Variants in CLSPN observed in about 807,000 individuals in gnomAD.
The protein encoded by CLSPN is claspin homolog.
CLSPN carries 85 observed loss-of-function variants against 156.3 expected under a neutral mutation model. The ratio of observed to expected loss-of-function variants is 0.54; its 90% CI spans 0.46 to 0.65. The LOEUF (loss-of-function observed/expected upper bound fraction) is 0.65, where lower values mean the gene tolerates loss of function less well. Ranked by LOEUF, CLSPN falls within the 30% of genes least tolerant of loss-of-function variation. The probability of loss-of-function intolerance (pLI) is 0.00; values close to 1 mark genes in which losing one functional copy is unlikely to be tolerated. For missense variants in CLSPN, 1,407 were observed against 1,554.9 expected, an observed-to-expected ratio of 0.90 and a Z score of 1.60; for synonymous variants, 534 against 542.4, an observed-to-expected ratio of 0.98 and a Z score of 0.22.
At chr1:35,738,142 A>G in intron 21 of CLSPN, 45 bp from the exon 22 acceptor site, 1 of 721,514 alleles carries the variant, frequency 1.4e-6, no homozygotes, top group Non-Finnish European at 2.0e-6. Context: ...ATATATATAC[A>G]GCATTAAAAG....
chr1:35,741,670 A>AT (rs1001946403), intron 18 of CLSPN, among the ~76,000 whole-genome samples: 3 of 152,066 alleles, frequency 2.0e-5, no homozygotes, highest in African/African-American at 7.2e-5. Context: ...CCAGAACAGC[A>AT]TATCAAAAAA....
At position 35,748,502 on chromosome 1, in the gene CLSPN, T is replaced by C. The variant is rs746580891; in HGVS notation, c.2375A>G (p.Gln792Arg). ...GAAAAAACTGGTCCCACGGCCTGTT[T>C]GTCTGTTGCAAGGCTGATAGGATGG... ...TIPSYQPCNR[Q>R]TGRGTSFFPT... is the part of the protein sequence containing the mutation. The change falls in exon 13 of 25, where the codon CAA becomes CGA. Residue 792 changes from glutamine to arginine, a missense_variant. This residue lies in a region of CLSPN where 1,096 missense variants were observed against 1,193.0 expected (regional missense o/e 0.92). Transcript: ENST00000318121. The C allele has an allele frequency of 5.0e-6, 8 of 1,614,066 alleles. No homozygotes were observed. The East Asian group carries it at 1.8e-4, about 36-fold the overall frequency.
chr1:35,742,846 A>G (rs1270977378), intron 18 of CLSPN, among the ~76,000 whole-genome samples: 1 of 150,916 alleles, frequency 6.6e-6, no homozygotes, highest in African/African-American at 2.4e-5. Flanking sequence ...TCCTGGGTGC[A>G]AGCGATTCTC....
chr1:35,726,685 C>T (rs1641199538), intron 24 of CLSPN, among the ~76,000 whole-genome samples: 1 of 152,114 alleles, frequency 6.6e-6, no homozygotes, highest in South Asian at 2.1e-4. Flanking sequence ...CCTACTGGCC[C>T]CAAGCTTGTA....
rs566042213 is a variant in CLSPN, at chr1:35,753,933, A to G, written c.1583T>C (p.Leu528Pro). 2 of 1,614,104 alleles carry G rather than the reference A, an allele frequency of 1.2e-6. No individual in the cohort carries two copies. The highest frequency in any genetic ancestry group is 3.3e-5 in the Admixed American group (2 of 60,010). ...CCAGAAACGCTGCTTCAAGGCTTCC[A>G]GTTCTAAACCCAAACGCCAACCAGT... ...VILEPETNRE[L>P]EALKQRFWKH... Residue 528 changes from leucine to proline, a missense_variant, in exon 9 of 25, where the codon CTG (leucine) becomes CCG (proline). Around this residue, in one of 3 missense-constraint regions of CLSPN, gnomAD observed 1,096 missense variants for 1,193.0 expected, o/e 0.92. Transcript: ENST00000318121.
At position 35,769,884 on chromosome 1, in the gene CLSPN, C is replaced by T; in HGVS notation, c.-14G>A. On this transcript the variant is annotated 5_prime_UTR_variant, in exon 1 of 25. Coordinates refer to ENST00000318121, the MANE Select transcript of CLSPN (RefSeq NM_022111.4). ...CTCGCCTGTCATGACTTCTGCCTCC[C>T]CTGCGCTCCACTAGGGACGGAGCTG... 1 of 1,609,702 alleles carries T rather than the reference C, an allele frequency of 6.2e-7. No individual in the cohort carries two copies. Among genetic ancestry groups the T allele is most frequent in the South Asian group, 1.1e-5 (1 of 90,434 alleles).
intron 24 of CLSPN, chr1:35,721,097 T>G: frequency 1.5e-6 from 1 of 665,380 alleles, no homozygotes; most frequent in Non-Finnish European, 2.5e-6. Context: ...TGCCTTATTT[T>G]GCCAAGCCTA....
intron 24 of CLSPN, among the ~76,000 whole-genome samples, chr1:35,726,441 A>G (rs930883095): frequency 6.6e-6 from 1 of 151,626 alleles, no homozygotes; most frequent in African/African-American, 2.4e-5. Context: ...CAGGTAAGCA[A>G]AGATGCTAAA....
Position 35,739,156 on chromosome 1 carries a change from T to A in CLSPN, c.3410A>T (p.Lys1137Met). The change falls in exon 20 of 25, where the codon AAG becomes ATG. Residue 1137 changes from lysine to methionine, a missense_variant. Physicochemically the swap from Lys to Met is moderately conservative, Grantham distance 95 (BLOSUM62 -1). Coordinates refer to ENST00000318121, the MANE Select transcript of CLSPN (RefSeq NM_022111.4). ...LHSDGPGRMR[K>M]FRWKNIDDAS... ...GATACCTATGTTTTTCCATCGAAAC[T>A]TCCTCATTCGCCCAGGACCATCGCT... 6.2e-7 allele frequency: 1 copy of A among 1,614,180 alleles called. No homozygotes were observed. Among genetic ancestry groups the A allele is most frequent in the Non-Finnish European group, 8.5e-7 (1 of 1,180,026 alleles).
Position 35,753,949 on chromosome 1 carries a change from G to A in CLSPN, c.1580-13C>T, listed in dbSNP as rs200185048. The A allele has an allele frequency of 3.2e-5, 52 of 1,611,958 alleles. No individual in the cohort carries two copies. The highest frequency in any genetic ancestry group is 3.9e-5 in the Non-Finnish European group (46 of 1,178,834). On this transcript the variant is annotated splice_polypyrimidine_tract_variant and intron_variant, in intron 8 of 24. Transcript: ENST00000318121. ...AAGGCTTCCAGTTCTAAACCCAAAC[G>A]CCAACCAGTGTGTCAGTTTGCCATG...
At chr1:35,737,970 C>T in intron 22 of CLSPN, 22 bp downstream of exon 22, 2 of 1,357,508 alleles carry the variant, frequency 1.5e-6, no homozygotes, top group East Asian at 2.6e-5. Context: ...GGGCTAGACC[C>T]TAAGGAGAAA....
intron 8 of CLSPN, among the ~76,000 whole-genome samples, chr1:35,757,729 A>G (rs1370950683): frequency 1.3e-5 from 2 of 152,246 alleles, no homozygotes; most frequent in African/African-American, 4.8e-5. Context: ...TGTTCCGGAC[A>G]ACAGCTTATT....
Position 35,749,817 on chromosome 1 carries a change from C to G in CLSPN, c.2029-6G>C. 1 of 1,611,578 alleles carries G rather than the reference C, an allele frequency of 6.2e-7. No individual in the cohort carries two copies. Among genetic ancestry groups the G allele is most frequent in the Non-Finnish European group, 8.5e-7 (1 of 1,178,986 alleles). ...CTAAGAAGGAATTCTGCAGTCTTTACCAATCAGGCCACCACAAAACAAAAA... is the reference window on the plus strand; with the variant it reads ...CTAAGAAGGAATTCTGCAGTCTTTAGCAATCAGGCCACCACAAAACAAAAA... On this transcript the variant is annotated splice_region_variant and splice_polypyrimidine_tract_variant and intron_variant, in intron 10 of 24. Transcript: ENST00000318121.
Position 35,735,213 on chromosome 1 carries a change from T to C in CLSPN, c.*1283A>G, listed in dbSNP as rs1641424166. The C allele has an allele frequency of 1.0e-6, 1 of 985,300 alleles. No homozygotes were observed. The allele number at this position is 985,300 out of a possible 1,614,324, so 61.0% of individuals were successfully genotyped here. A position where few individuals can be genotyped will look rare whatever the true frequency, so the allele number is the denominator to read the frequency against. ...CAGACTGTGGTGGACAAACACTGGG[T>C]GTAACACTTTATCTTCATCCCCAAG... is the stretch of plus-strand genomic sequence containing the variant. On this transcript the variant is annotated 3_prime_UTR_variant, in exon 25 of 25. Transcript: ENST00000318121.
In CLSPN at chr1:35,766,438, C is replaced by T. The variant is rs372700077; in HGVS notation, c.25-1112G>A. Among the ~76,000 whole-genome samples, 30 of 151,836 alleles carry T rather than the reference C, an allele frequency of 2.0e-4. No individual in the cohort carries two copies. In the East Asian group the frequency reaches 2.7e-3, roughly 14 times the overall value. On this transcript the variant is annotated intron_variant, in intron 1 of 24. Transcript: ENST00000318121. ...ATATATGTATGTATATTTCTATATG[C>T]TATGTGTATATTTCTTTTTTTTTGA...
chr1:35,730,635 G>A (rs1641293397), downstream of CLSPN, among the ~76,000 whole-genome samples: 1 of 150,526 alleles, frequency 6.6e-6, no homozygotes, highest in African/African-American at 2.4e-5. Context: ...AGAAAGGAGT[G>A]GTAATGGTCA....
At chr1:35,720,855 C>G in exon 25 of CLSPN, 1 of 1,482,328 alleles carries the variant, frequency 6.7e-7, no homozygotes, top group Admixed American at 1.7e-5. Context: ...CAGAATAGCC[C>G]TTCTCCGCCT....
chr1:35,723,182 A>G (rs1272366734), intron 24 of CLSPN, among the ~76,000 whole-genome samples: 4 of 152,202 alleles, frequency 2.6e-5, no homozygotes, highest in Non-Finnish European at 5.9e-5. Context: ...TTCACCCCCA[A>G]GTGAAAGGGT....
At chr1:35,753,029 T>G (rs1642145465) in intron 9 of CLSPN, among the ~76,000 whole-genome samples, 1 of 152,194 alleles carries the variant, frequency 6.6e-6, no homozygotes, top group Non-Finnish European at 1.5e-5. Context: ...GAGCTGTCCT[T>G]AATACATTTC....
Sources: allele counts gnomAD v4.1 joint callset (sites outside exome capture counted in the v4.1 genomes callset), GRCh38; gene constraint gnomAD v4.1.1; regional missense constraint gnomAD v4.1.1; transcripts MANE v1.5; gene names NCBI Gene and HGNC (gene_info 2026-07-23, HGNC 2026-07-21).